Variants in USP20 observed in about 807,000 individuals in gnomAD.
USP20 encodes ubiquitin carboxyl-terminal hydrolase 20.
Under a neutral mutation model 124.2 loss-of-function variants are expected in USP20, and 80 were observed. The ratio of observed to expected loss-of-function variants is 0.64; its 90% CI spans 0.54 to 0.78. The LOEUF (loss-of-function observed/expected upper bound fraction) is 0.78, where lower values mean the gene tolerates loss of function less well. USP20 is among the 30% of genes least tolerant of loss of function. USP20 has a pLI of 0.00. For synonymous variants in USP20, 481 were observed against 512.3 expected (o/e 0.94, Z 0.83); for missense variants, 1,043 against 1,244.4 (o/e 0.84, Z 2.44).
chr9:129,868,231 A>G lies in USP20; in HGVS notation c.917A>G (p.Gln306Arg), dbSNP rs1304897488. ...DGQGRGGGSS[Q>R]AETELLIPDE... ...CAGGGGCGTGGCGGGGGCAGCTCGC[A>G]GGCCGAGACGGAGCTGCTGATCCCA... The change falls in exon 11 of 26, where the codon CAG becomes CGG. Residue 306 changes from glutamine to arginine, a missense_variant. Coordinates refer to ENST00000372429, the MANE Select transcript of USP20 (RefSeq NM_001110303.4). 5.6e-6 allele frequency: 9 copies of G among 1,613,780 alleles called. No homozygotes were observed. The highest frequency in any genetic ancestry group is 7.6e-6 in the Non-Finnish European group (9 of 1,179,870).
chr9:129,871,551 C>T (rs1166670688), intron 15 of USP20, among the ~76,000 whole-genome samples: 2 of 152,176 alleles, frequency 1.3e-5, no homozygotes, highest in Non-Finnish European at 2.9e-5. Flanking sequence ...CTCGAGGAGC[C>T]ACCGTACTGG....
At chr9:129,843,321 T>G (rs1229199901) in intron 1 of USP20, among the ~76,000 whole-genome samples, 1 of 151,992 alleles carries the variant, frequency 6.6e-6, no homozygotes, top group Non-Finnish European at 1.5e-5. Flanking sequence ...TCCCAGCTAC[T>G]CTAGAGGCTG....
chr9:129,835,490 G>C lies in USP20; in HGVS notation c.-138G>C. ...ACTGACAGGCGGCGGCGGCGCAGTT[G>C]CGAGTGCAGGTGAGTTCCGGGCCGC... is the stretch of plus-strand genomic sequence containing the variant. On this transcript the variant is annotated 5_prime_UTR_variant, in exon 1 of 26. Transcript: ENST00000372429. The C allele has an allele frequency of 2.5e-6, 1 of 392,162 alleles. No homozygotes were observed. 24.3% of individuals were successfully genotyped at this position (392,162 alleles called of 1,614,324 possible).
In USP20 at chr9:129,872,392, G is replaced by T. The variant is rs142642846; in HGVS notation, c.1661-1090G>T. ...GGTCTCGAACTCCTGACCTCAAATG[G>T]ATTTGCTGCCTTGGCCTCCCAAAGT... On this transcript the variant is annotated intron_variant, in intron 15 of 25. Coordinates refer to ENST00000372429, the MANE Select transcript of USP20 (RefSeq NM_001110303.4). 3.4e-4 allele frequency among the ~76,000 whole-genome samples: 52 copies of T among 152,070 alleles called. No individual in the cohort carries two copies. In the South Asian group the frequency reaches 6.2e-3, roughly 18 times the overall value.
intron 1 of USP20, among the ~76,000 whole-genome samples, chr9:129,843,499 C>G (rs1415599416): frequency 1.3e-5 from 2 of 152,062 alleles, no homozygotes; most frequent in Non-Finnish European, 2.9e-5. Context: ...ACTTGAGAAG[C>G]TGAGGCAGGC....
chr9:129,851,742 G>A (rs2032930421), intron 2 of USP20, among the ~76,000 whole-genome samples: 1 of 152,044 alleles, frequency 6.6e-6, no homozygotes, highest in Non-Finnish European at 1.5e-5. Flanking sequence ...ATTTTACTTT[G>A]TGCTTTCTTG....
In USP20 at chr9:129,876,009, C is replaced by T. The variant is rs139669300; in HGVS notation, c.2301-121C>T. The T allele has an allele frequency of 1.8e-5, 16 of 900,914 alleles. No homozygotes were observed. The African/African-American group carries it at 2.5e-4, about 14-fold the overall frequency. 55.8% of individuals were successfully genotyped at this position (900,914 alleles called of 1,614,324 possible). On this transcript the variant is annotated intron_variant, in intron 21 of 25. Transcript: ENST00000372429. ...TGTGGTGCTCACACAGAGGTGCATGCAGGCCTGCGACAGCGCTGAGGGGGC... is the reference window on the plus strand; with the variant it reads ...TGTGGTGCTCACACAGAGGTGCATGTAGGCCTGCGACAGCGCTGAGGGGGC...
intron 10 of USP20, among the ~76,000 whole-genome samples, chr9:129,866,922 C>T (rs1369923257): frequency 3.3e-5 from 5 of 152,190 alleles, no homozygotes; most frequent in African/African-American, 1.2e-4. Context: ...CCTCGTGGTT[C>T]ATTCCTCTGA....
chr9:129,845,956 G>A (rs1424293683), intron 1 of USP20, among the ~76,000 whole-genome samples: 3 of 151,672 alleles, frequency 2.0e-5, no homozygotes, highest in Non-Finnish European at 4.4e-5. Context: ...ACAGAGTCTC[G>A]CTCTGTCGCC....
At chr9:129,872,901 C>A (rs1349937387) in intron 15 of USP20, among the ~76,000 whole-genome samples, 28 of 151,934 alleles carry the variant, frequency 1.8e-4, no homozygotes, top group Admixed American at 1.8e-3. Flanking sequence ...TCCCACCCCA[C>A]CTCCATTTTG....
At chr9:129,875,161 G>A in intron 19 of USP20, 149 bp from the exon 20 acceptor site, 2 of 1,227,098 alleles carry the variant, frequency 1.6e-6, no homozygotes, top group Non-Finnish European at 2.2e-6. Flanking sequence ...TGGCGGCACA[G>A]GGGGCTGCTC....
In USP20 at chr9:129,869,679, C is replaced by T. The variant is rs1422660014; in HGVS notation, c.1400C>T (p.Thr467Ile). ...VQCLTCDRVS[T>I]TVETFQDLSL... is the part of the protein sequence containing the mutation. ...TGACCTTCAACCCCACAGGTATCCA[C>T]CACAGTGGAAACGTTCCAGGACTTA... The change falls in exon 14 of 26, where the codon ACC (threonine) becomes ATC (isoleucine). Residue 467 changes from threonine to isoleucine, a missense_variant. Physicochemically the swap from Thr to Ile is moderately conservative, Grantham distance 89. Transcript: ENST00000372429. 2.5e-6 allele frequency: 4 copies of T among 1,613,962 alleles called. No homozygotes were observed. Among genetic ancestry groups the T allele is most frequent in the Non-Finnish European group, 3.4e-6 (4 of 1,180,024 alleles).
Position 129,880,492 on chromosome 9 carries a change from G to A in USP20, c.*42G>A. 1.6e-6 allele frequency: 1 copy of A among 617,830 alleles called. No homozygotes were observed. Among genetic ancestry groups the A allele is most frequent in the Non-Finnish European group, 2.7e-6 (1 of 364,580 alleles). 38.3% of individuals were successfully genotyped at this position (617,830 alleles called of 1,614,324 possible). A position where few individuals can be genotyped will look rare whatever the true frequency, so the allele number is the denominator to read the frequency against. On this transcript the variant is annotated 3_prime_UTR_variant, in exon 26 of 26. Coordinates refer to ENST00000372429, the MANE Select transcript of USP20 (RefSeq NM_001110303.4). ...CCCCATGTGCCCCACCCCGCGGAAG[G>A]CGTGTTTGTGCCCAGAAGAGAGGCC...
chr9:129,876,062 GCAGTGAT>G, intron 21 of USP20, 61 bp from the exon 22 acceptor site: 3 of 1,373,394 alleles, frequency 2.2e-6, no homozygotes, highest in Non-Finnish European at 3.0e-6. Flanking sequence ...GAAGTGGAAG[GCAGTGAT>G]CACTCTCCCC....
At chr9:129,853,475 C>T (rs147260996) in intron 3 of USP20, among the ~76,000 whole-genome samples, 1 of 152,280 alleles carries the variant, frequency 6.6e-6, no homozygotes, top group Non-Finnish European at 1.5e-5. Context: ...CGATGAATGG[C>T]CTTGTAGAAA....
rs762187981 is a variant in USP20, at chr9:129,874,680, C to G, written c.1845C>G (p.Phe615Leu). The G allele has an allele frequency of 6.2e-7, 1 of 1,614,020 alleles. No individual in the cohort carries two copies. Among genetic ancestry groups the G allele is most frequent in the Admixed American group, 1.7e-5 (1 of 60,032 alleles). Reference sequence around the variant, plus strand: ...TCGAGGGGCTCGACCTGCGCCCCTTCCTTGCCAAGGAGTGCACATCCCAGA... The same window carrying G: ...TCGAGGGGCTCGACCTGCGCCCCTTGCTTGCCAAGGAGTGCACATCCCAGA... ...FPLEGLDLRPFLAKECTSQIT... is the reference protein window; with the variant it reads ...FPLEGLDLRPLLAKECTSQIT... The change falls in exon 18 of 26, where the codon TTC becomes TTG. Residue 615 changes from phenylalanine to leucine, a missense_variant. Transcript: ENST00000372429.
intron 1 of USP20, among the ~76,000 whole-genome samples, chr9:129,842,084 G>A (rs868762235): frequency 2.0e-5 from 3 of 152,090 alleles, no homozygotes; most frequent in Admixed American, 6.6e-5. Context: ...AGTCCATGAG[G>A]CCCTAAGTCA....
chr9:129,869,592 C>T (rs2034013440), intron 13 of USP20, 80 bp from the exon 14 acceptor site: 1 of 1,580,030 alleles, frequency 6.3e-7, no homozygotes, highest in African/African-American at 1.3e-5. Context: ...AGTAGTCCCT[C>T]TGCCCCTCAC....
chr9:129,863,274 G>T lies in USP20; in HGVS notation c.586G>T (p.Val196Phe). ...CCTGTGCAAGAGCTACCAGAAGCTG[G>T]TCTCTGAGGTCTGGCATAAGAAACG... ...PALCKSYQKL[V>F]SEVWHKKRPS... Residue 196 changes from valine to phenylalanine, a missense_variant, in exon 9 of 26, where the codon GTC becomes TTC. Val to Phe is a conservative substitution (Grantham distance 50, BLOSUM62 -1). Transcript: ENST00000372429. 1 of 1,548,954 alleles carries T rather than the reference G, an allele frequency of 6.5e-7. No individual in the cohort carries two copies. The highest frequency in any genetic ancestry group is 8.7e-7 in the Non-Finnish European group (1 of 1,144,092).
Sources: allele counts gnomAD v4.1 joint callset (sites outside exome capture counted in the v4.1 genomes callset), GRCh38; gene constraint gnomAD v4.1.1; transcripts MANE v1.5; gene names NCBI Gene and HGNC (gene_info 2026-07-23, HGNC 2026-07-21).